The following C10orf67 variants were observed in gnomAD, a reference collection of about 807,000 sequenced individuals.
C10orf67 encodes chromosome 10 open reading frame 67.
In C10orf67, 60 loss-of-function variants were observed where a neutral mutation model predicts 35.6. The ratio of observed to expected loss-of-function variants is 1.68; its 90% confidence interval spans 1.37 to 2.09. The LOEUF (loss-of-function observed/expected upper bound fraction) is 2.09, where lower values mean the gene tolerates loss of function less well. Among genes scored for constraint, C10orf67 ranks in the 30% most tolerant of loss-of-function variants. The pLI is 0.00. For synonymous variants in C10orf67, 167 were observed against 115.8 expected (o/e 1.44, Z -2.84); for missense variants, 474 against 330.2 (o/e 1.44, Z -3.38).
intron 4 of C10orf67, among the ~76,000 whole-genome samples, chr10:23,308,561 C>T (rs1016925932): frequency 6.6e-6 from 1 of 152,136 alleles, no homozygotes; most frequent in African/African-American, 2.4e-5. Context: ...AGAAACACCA[C>T]GTTGCCACAG....
intron 13 of C10orf67, among the ~76,000 whole-genome samples, chr10:23,228,685 C>T (rs1433388702): frequency 3.9e-5 from 6 of 152,168 alleles, no homozygotes; most frequent in African/African-American, 1.4e-4. Flanking sequence ...TTGCAATCTA[C>T]TCTTCTGACA....
intron 1 of C10orf67, among the ~76,000 whole-genome samples, chr10:23,338,828 G>A (rs1167220710): frequency 6.6e-6 from 1 of 152,110 alleles, no homozygotes; most frequent in Non-Finnish European, 1.5e-5. Context: ...GGGCAACATA[G>A]TGAGACCCTG....
intron 13 of C10orf67, among the ~76,000 whole-genome samples, chr10:23,224,804 G>A (rs991388810): frequency 1.3e-5 from 2 of 152,162 alleles, no homozygotes; most frequent in Non-Finnish European, 2.9e-5. Context: ...TGAATGAAAT[G>A]AAGCGAGAAG....
intron 4 of C10orf67, among the ~76,000 whole-genome samples, chr10:23,310,365 G>C (rs887349464): frequency 6.6e-6 from 1 of 152,172 alleles, no homozygotes; most frequent in African/African-American, 2.4e-5. Flanking sequence ...GGAGGAGAAG[G>C]GTTGAGCCTC....
At chr10:23,302,058 G>A (rs972395585) in intron 5 of C10orf67, among the ~76,000 whole-genome samples, 6 of 152,166 alleles carry the variant, frequency 3.9e-5, no homozygotes, top group African/African-American at 1.2e-4. Context: ...AGCTCAAGCC[G>A]TAACAAACAC....
chr10:23,314,296 T>C (rs1281133212), intron 4 of C10orf67, among the ~76,000 whole-genome samples: 1 of 151,770 alleles, frequency 6.6e-6, no homozygotes, highest in Non-Finnish European at 1.5e-5. Flanking sequence ...TAGTGCTGCA[T>C]AAAAGTTTTA....
intron 1 of C10orf67, among the ~76,000 whole-genome samples, chr10:23,334,853 A>G (rs1332179626): frequency 6.6e-6 from 1 of 152,212 alleles, no homozygotes; most frequent in Admixed American, 6.5e-5. Flanking sequence ...CTAGGTGACT[A>G]CAAGGGGGGC....
chr10:23,259,889 G>A (rs1282852950), intron 10 of C10orf67, among the ~76,000 whole-genome samples: 3 of 152,096 alleles, frequency 2.0e-5, no homozygotes, highest in Non-Finnish European at 4.4e-5. Flanking sequence ...AAAAAAAGTA[G>A]TTCAAACTTT....
intron 3 of C10orf67, among the ~76,000 whole-genome samples, chr10:23,321,249 T>C (rs1844943810): frequency 6.6e-6 from 1 of 152,258 alleles, no homozygotes; most frequent in African/African-American, 2.4e-5. Flanking sequence ...ATGATTTGAT[T>C]AGATCTGTTT....
intron 4 of C10orf67, 39 bp downstream of exon 4, chr10:23,320,702 G>A (rs770051889): frequency 8.7e-6 from 13 of 1,488,096 alleles, no homozygotes; most frequent in Non-Finnish European, 1.2e-5. Context: ...GCTGAAGCTA[G>A]CCTTGCCCAC....
intron 2 of C10orf67, among the ~76,000 whole-genome samples, chr10:23,329,564 T>C (rs754171258): frequency 1.1e-4 from 17 of 151,896 alleles, no homozygotes; most frequent in Non-Finnish European, 2.1e-4. Context: ...GGTACCAAGA[T>C]TGAACAACAA....
At chr10:23,303,535 C>T (rs191823819) in intron 4 of C10orf67, 76 bp from the exon 5 acceptor site, 80 of 421,276 alleles carry the variant, frequency 1.9e-4, no homozygotes, top group African/African-American at 1.6e-3. Context: ...AAATTAGACA[C>T]TCAGCATTAA....
At chr10:23,293,714 T>C (rs1843791049) in intron 5 of C10orf67, among the ~76,000 whole-genome samples, 1 of 152,224 alleles carries the variant, frequency 6.6e-6, no homozygotes, top group African/African-American at 2.4e-5. Context: ...TTATAAAAAC[T>C]AGGGCTTCAG....
At chr10:23,330,214 T>C (rs933947472) in intron 2 of C10orf67, among the ~76,000 whole-genome samples, 1 of 152,176 alleles carries the variant, frequency 6.6e-6, no homozygotes, top group African/African-American at 2.4e-5. Flanking sequence ...TCCCGACACT[T>C]TGGGAGGCCA....
In C10orf67 at chr10:23,344,616, C is replaced by T. The variant is rs772987257; in HGVS notation, c.159G>A (p.Lys53=). 3.1e-5 allele frequency: 49 copies of T among 1,583,926 alleles called. No homozygotes were observed. The highest frequency in any genetic ancestry group is 4.1e-5 in the Non-Finnish European group (48 of 1,165,866). The change falls in exon 1 of 16, where the codon AAG becomes AAA. Residue 53 remains lysine, a synonymous_variant. Transcript: ENST00000636213. ...TELRVCCARR[K]REAREFKPPQ... ...GGGGCTTGAATTCCCGAGCTTCTCG[C>T]TTCCTACGCGCGCAGCAGACCCGCA...
intron 15 of C10orf67, among the ~76,000 whole-genome samples, chr10:23,221,077 A>T (rs1841566157): frequency 6.6e-6 from 1 of 152,206 alleles, no homozygotes; most frequent in African/African-American, 2.4e-5. Flanking sequence ...TGCTATAAAG[A>T]ACTACCTGAG....
chr10:23,316,378 G>A (rs962846510), intron 4 of C10orf67, among the ~76,000 whole-genome samples: 5 of 152,214 alleles, frequency 3.3e-5, no homozygotes, highest in African/African-American at 1.2e-4. Context: ...GCCCCAAAGA[G>A]GGTGTCACAA....
At chr10:23,202,549 A>C (rs1461141143), downstream of C10orf67, 1 of 152,126 alleles carries the variant, frequency 6.6e-6, no homozygotes, top group South Asian at 2.1e-4. Flanking sequence ...AAAAATAAGT[A>C]AAAAAGTAAA....
At chr10:23,307,691 G>A (rs1187404543) in intron 4 of C10orf67, among the ~76,000 whole-genome samples, 11 of 147,236 alleles carry the variant, frequency 7.5e-5, no homozygotes, top group African/African-American at 2.3e-4. Context: ...TGCAACCTCC[G>A]CTTTCTGGGC....
Sources: gnomAD v4.1 joint callset for allele counts (sites outside exome capture counted in the v4.1 genomes callset) on GRCh38, gnomAD v4.1.1 for gene constraint, MANE v1.5 for transcripts, NCBI Gene and HGNC (gene_info 2026-07-23, HGNC 2026-07-21) for gene names.